Variants in LTBP4 observed in about 807,000 individuals in gnomAD.
The protein encoded by LTBP4 is latent-transforming growth factor beta-binding protein 4.
In LTBP4, 93 loss-of-function variants were observed where a neutral mutation model predicts 180.2. The observed-to-expected ratio is 0.52, with a 90% CI of 0.44 to 0.61. LTBP4 has a LOEUF of 0.61. Ranked by LOEUF, LTBP4 falls within the 20% of genes least tolerant of loss-of-function variation. The probability of loss-of-function intolerance (pLI) is 0.00; values close to 1 mark genes in which losing one functional copy is unlikely to be tolerated. For missense variants in LTBP4, 2,116 were observed against 2,256.5 expected, an observed-to-expected ratio of 0.94 and a Z score of 1.26; for synonymous variants, 947 against 934.5, an observed-to-expected ratio of 1.01 and a Z score of -0.24.
Position 40,605,571 on chromosome 19 carries a change from G to C in LTBP4, c.609G>C (p.Leu203Phe). ...RAEAAAPYTV[L>F]AQSAPREDGY... Reference sequence around the variant, plus strand: ...AGGCGGCAGCGCCCTACACGGTGTTGGCACAGAGCGCGCCGCGGGAGGACG... The same window carrying C: ...AGGCGGCAGCGCCCTACACGGTGTTCGCACAGAGCGCGCCGCGGGAGGACG... Residue 203 changes from leucine to phenylalanine, a missense_variant, in exon 3 of 30, where the codon TTG becomes TTC. Coordinates refer to ENST00000396819, the MANE Select transcript of LTBP4 (RefSeq NM_001042545.2). The surrounding 1 kb of genome is among the most constrained non-coding windows in gnomAD (Gnocchi z 5.5). 1 of 1,604,582 alleles carries C rather than the reference G, an allele frequency of 6.2e-7. No individual in the cohort carries two copies. The highest frequency in any genetic ancestry group is 8.5e-7 in the Non-Finnish European group (1 of 1,176,208).
intron 15 of LTBP4, 93 bp downstream of exon 15, chr19:40,612,285 A>G (rs1027055892): frequency 6.9e-6 from 10 of 1,458,896 alleles, no homozygotes; most frequent in African/African-American, 1.4e-5. Flanking sequence ...TAACCTCCTG[A>G]CCTGGACCTC....
Position 40,609,651 on chromosome 19 carries a change from C to G in LTBP4, c.1548C>G (p.Thr516=). Residue 516 remains threonine (T), a synonymous_variant, in exon 10 of 30, where the codon ACC becomes ACG. Transcript: ENST00000396819. This position sits in a 1 kb window ranked among gnomAD's most constrained non-coding sequence, Gnocchi z 4.9. The part of the protein sequence containing the change: ...DSGFRLSPQG[T]RCIDVDECRR... The stretch of plus-strand genomic sequence containing the variant: ...GCTTCCGGCTCAGCCCCCAGGGCAC[C>G]CGATGCATTGGTGAGCAAGACGGAG... The G allele has an allele frequency of 6.2e-7, 1 of 1,613,202 alleles. No individual in the cohort carries two copies. The highest frequency in any genetic ancestry group is 1.1e-5 in the South Asian group (1 of 91,062).
upstream of LTBP4, among the ~76,000 whole-genome samples, chr19:40,598,216 G>A (rs1433877835): frequency 6.6e-6 from 1 of 150,900 alleles, no homozygotes; most frequent in African/African-American, 2.4e-5. Flanking sequence ...CCCGAGCCGC[G>A]GCGGGGGCGG....
At position 40,627,311 on chromosome 19, in the gene LTBP4, C is replaced by G. The variant is rs1393365003; in HGVS notation, c.4322C>G (p.Ser1441Cys). 6.5e-7 allele frequency: 1 copy of G among 1,530,836 alleles called. No homozygotes were observed. Among genetic ancestry groups the G allele is most frequent in the African/African-American group, 1.4e-5 (1 of 73,268 alleles). The allele number at this position is 1,530,836 out of a possible 1,614,324, so 94.8% of individuals were successfully genotyped here. A position where few individuals can be genotyped will look rare whatever the true frequency, so the allele number is the denominator to read the frequency against. The change falls in exon 28 of 30, where the codon TCC becomes TGC. Residue 1441 changes from serine (S) to cysteine (C), a missense_variant. Physicochemically the swap from Ser to Cys is moderately radical, Grantham distance 112. Coordinates refer to ENST00000396819, the MANE Select transcript of LTBP4 (RefSeq NM_001042545.2). ...WPYRSRDTRR[S>C]FPEPEEPPEG... ...TATCGGTCCCGGGACACCCGCCGCT[C>G]CTTCCCAGAGCCCGAGGAGCCTCCT...
At chr19:40,604,690 A>T (rs1056220830) in intron 1 of LTBP4, among the ~76,000 whole-genome samples, 10 of 152,296 alleles carry the variant, frequency 6.6e-5, no homozygotes, top group African/African-American at 2.2e-4. Context: ...CCAAATTTTT[A>T]AAAAACGTAG....
chr19:40,593,244 T>C lies in LTBP4; in HGVS notation c.16+63T>C. 3 of 1,592,908 alleles carry C rather than the reference T, an allele frequency of 1.9e-6. No individual in the cohort carries two copies. In the African/African-American group the frequency reaches 4.0e-5, roughly 21 times the overall value. ...GTGCACCTCAAACCCTAATTTTGTT[T>C]TTGTTTGTTTGTTTTTGAGACAGGG... On this transcript the variant is annotated intron_variant, in intron 1 of 32. Transcript: ENST00000204005.
Position 40,609,640 on chromosome 19 carries a change from C to T in LTBP4, c.1537C>T (p.Pro513Ser), listed in dbSNP as rs2146026828. ...TTGCGACTCTGGCTTCCGGCTCAGCCCCCAGGGCACCCGATGCATTGGTGA... is the reference window on the plus strand; with the variant it reads ...TTGCGACTCTGGCTTCCGGCTCAGCTCCCAGGGCACCCGATGCATTGGTGA... ...CACDSGFRLS[P>S]QGTRCIDVDE... The change falls in exon 10 of 30, where the codon CCC (proline) becomes TCC (serine). Residue 513 changes from proline (P) to serine (S), a missense_variant. Pro to Ser is a moderately conservative substitution (Grantham distance 74, BLOSUM62 -1). Transcript: ENST00000396819. This position sits in a 1 kb window ranked among gnomAD's most constrained non-coding sequence, Gnocchi z 4.9. 1 of 1,613,196 alleles carries T rather than the reference C, an allele frequency of 6.2e-7. No individual in the cohort carries two copies. Among genetic ancestry groups the T allele is most frequent in the Non-Finnish European group, 8.5e-7 (1 of 1,179,772 alleles).
At chr19:40,607,621 C>A (rs2081473278) in intron 7 of LTBP4, 92 bp downstream of exon 7, 2 of 1,399,490 alleles carry the variant, frequency 1.4e-6, no homozygotes, top group Non-Finnish European at 1.9e-6. Flanking sequence ...ACTGCCCCAA[C>A]CTGACTGGCT....
Position 40,610,550 on chromosome 19 carries a change from G to A in LTBP4, c.1703G>A (p.Arg568His). 1 of 1,593,648 alleles carries A rather than the reference G, an allele frequency of 6.3e-7. No homozygotes were observed. The highest frequency in any genetic ancestry group is 8.5e-7 in the Non-Finnish European group (1 of 1,175,860). Residue 568 changes from arginine to histidine, a missense_variant, in exon 12 of 30, where the codon CGC becomes CAC. Arg to His is a conservative substitution (Grantham distance 29, BLOSUM62 0). Coordinates refer to ENST00000396819, the MANE Select transcript of LTBP4 (RefSeq NM_001042545.2). Reference sequence around the variant, plus strand: ...CCTACAGATGTGGACGAGTGCCACCGCGTGCCGCCGCCGTGTGACCTCGGG... The same window carrying A: ...CCTACAGATGTGGACGAGTGCCACCACGTGCCGCCGCCGTGTGACCTCGGG... The part of the protein sequence containing the change: ...AECLDVDECH[R>H]VPPPCDLGRC...
upstream of LTBP4, among the ~76,000 whole-genome samples, chr19:40,597,805 G>C (rs775385742): frequency 1.3e-5 from 2 of 151,898 alleles, no homozygotes; most frequent in Non-Finnish European, 2.9e-5. Context: ...GAGTTGTCCT[G>C]GTTTTCTAGG....
upstream of LTBP4, chr19:40,599,147 G>T: frequency 1.3e-6 from 2 of 1,546,010 alleles, no homozygotes; most frequent in Non-Finnish European, 1.8e-6. Flanking sequence ...CTCCTTTGCA[G>T]AGTTCTGGGG....
rs571102779 is a variant in LTBP4 at position 40,608,580 on chromosome 19, C to G, written c.1403C>G (p.Thr468Ser). Residue 468 changes from threonine (T) to serine (S), a missense_variant, in exon 9 of 30, where the codon ACT becomes AGT. Thr to Ser is a moderately conservative substitution (Grantham distance 58). Coordinates refer to ENST00000396819, the MANE Select transcript of LTBP4 (RefSeq NM_001042545.2). ...ELPLPSIPAWTGPEIPESGPS... is the reference protein window; with the variant it reads ...ELPLPSIPAWSGPEIPESGPS... ...CCCTTGCCCAGCATCCCTGCCTGGA[C>G]TGGTCCTGAGATTCCTGAATCAGGT... 2.7e-5 allele frequency: 43 copies of G among 1,598,680 alleles called. No homozygotes were observed. In the East Asian group the frequency reaches 5.6e-4, roughly 21 times the overall value.
At chr19:40,620,145 G>C (rs1211960817) in intron 22 of LTBP4, among the ~76,000 whole-genome samples, 1 of 152,136 alleles carries the variant, frequency 6.6e-6, no homozygotes, top group African/African-American at 2.4e-5. Flanking sequence ...TGGGGCCAGG[G>C]AAAGAGTCAG....
chr19:40,595,406 C>G (rs1365482620), intron 1 of LTBP4, among the ~76,000 whole-genome samples: 1 of 152,108 alleles, frequency 6.6e-6, no homozygotes, highest in Non-Finnish European at 1.5e-5. Flanking sequence ...AGCTCTGTCC[C>G]TCAGTGAACC....
At position 40,613,404 on chromosome 19, in the gene LTBP4, A is replaced by G; in HGVS notation, c.2432A>G (p.Asp811Gly). 1 of 1,606,428 alleles carries G rather than the reference A, an allele frequency of 6.2e-7. No individual in the cohort carries two copies. The highest frequency in any genetic ancestry group is 8.5e-7 in the Non-Finnish European group (1 of 1,177,122). ...APSGRPGPCA[D>G]VNECLEGDFC... ...CCGCCCAATCTCCCGCGTACCCTAG[A>G]CGTGAACGAGTGCCTGGAGGGCGAT... Residue 811 changes from aspartate (D) to glycine (G), a missense_variant and splice_region_variant, in exon 17 of 30, where the codon GAC becomes GGC. By Grantham distance (94) the Asp-to-Gly change is moderately conservative. Around this residue, in one of 5 missense-constraint regions of LTBP4, gnomAD observed 877 missense variants for 873.6 expected, o/e 1.00. Coordinates refer to ENST00000396819, the MANE Select transcript of LTBP4 (RefSeq NM_001042545.2). The surrounding 1 kb of genome is among the most constrained non-coding windows in gnomAD (Gnocchi z 5.0).
At position 40,613,237 on chromosome 19, in the gene LTBP4, G is replaced by T. The variant is rs977172585; in HGVS notation, c.2431+41G>T. 2 of 1,548,778 alleles carry T rather than the reference G, an allele frequency of 1.3e-6. No individual in the cohort carries two copies. Among genetic ancestry groups the T allele is most frequent in the Admixed American group, 3.9e-5 (2 of 51,196 alleles). ...ACCCGCCAGAGAGTCTGGGAGTAGGGCCTGGGTTCCAGGGCAAAGCCGGCT... is the reference window on the plus strand; with the variant it reads ...ACCCGCCAGAGAGTCTGGGAGTAGGTCCTGGGTTCCAGGGCAAAGCCGGCT... On this transcript the variant is annotated intron_variant, in intron 16 of 29. Transcript: ENST00000396819. This position sits in a 1 kb window ranked among gnomAD's most constrained non-coding sequence, Gnocchi z 5.0.
intron 22 of LTBP4, among the ~76,000 whole-genome samples, chr19:40,620,282 A>G (rs1036100583): frequency 6.7e-5 from 10 of 149,812 alleles, no homozygotes; most frequent in South Asian, 6.5e-4. Context: ...ACTTTCACCC[A>G]GGCCGGAGTG....
chr19:40,627,950 G>A (rs2081649717), intron 29 of LTBP4, 93 bp downstream of exon 29: 4 of 1,461,324 alleles, frequency 2.7e-6, no homozygotes, highest in Non-Finnish European at 3.6e-6. Flanking sequence ...GGTCAGGGAC[G>A]GGAAAGGACC....
chr19:40,595,229 GA>G (rs1049505070), intron 1 of LTBP4, among the ~76,000 whole-genome samples: 11 of 152,168 alleles, frequency 7.2e-5, no homozygotes, highest in African/African-American at 2.7e-4. Flanking sequence ...ATTAGGGGCA[GA>G]GTGAAGCTCT....
Sources: gnomAD v4.1 joint callset for allele counts (sites outside exome capture counted in the v4.1 genomes callset) on GRCh38, gnomAD v4.1.1 for gene constraint, gnomAD v4.1.1 regional missense constraint, Gnocchi (gnomAD v3.1) non-coding constraint, MANE v1.5 for transcripts, NCBI Gene and HGNC (gene_info 2026-07-23, HGNC 2026-07-21) for gene names.